Variants in FAM184A observed in about 807,000 individuals in gnomAD.
FAM184A encodes protein FAM184A.
A neutral mutation model predicts 143.8 loss-of-function variants in FAM184A; 99 were observed. The observed-to-expected ratio is 0.69, with a 90% CI of 0.58 to 0.81. The LOEUF (loss-of-function observed/expected upper bound fraction) is 0.81. Among genes scored for constraint, FAM184A ranks in the 40% least tolerant of loss-of-function variants. The probability of loss-of-function intolerance (pLI) is 0.00; values close to 1 mark genes in which losing one functional copy is unlikely to be tolerated. For synonymous variants in FAM184A, 427 were observed against 446.4 expected, an observed-to-expected ratio of 0.96 and a Z score of 0.55; for missense variants, 1,217 against 1,310.5, an observed-to-expected ratio of 0.93 and a Z score of 1.10.
At chr6:119,001,369 A>G (rs903800839) in intron 9 of FAM184A, among the ~76,000 whole-genome samples, 15 of 151,804 alleles carry the variant, frequency 9.9e-5, no homozygotes, top group Admixed American at 6.6e-5. Context: ...GAATAGTTTT[A>G]CCTTTGGAAC....
At chr6:119,086,350 A>G (rs149482114) in intron 1 of FAM184A, among the ~76,000 whole-genome samples, 50 of 152,326 alleles carry the variant, frequency 3.3e-4, no homozygotes, top group Middle Eastern at 3.4e-3. Flanking sequence ...AGACAGACAA[A>G]TGAAGAATTA....
intron 1 of FAM184A, among the ~76,000 whole-genome samples, chr6:119,109,472 C>T (rs1788873394): frequency 1.3e-5 from 2 of 152,150 alleles, no homozygotes; most frequent in South Asian, 4.1e-4. Flanking sequence ...ATCCTTCTCT[C>T]TCTCTCTGTC....
In FAM184A at chr6:119,078,329, G is replaced by C. The variant is rs888948789; in HGVS notation, c.-30C>G. On this transcript the variant is annotated 5_prime_UTR_variant, in exon 1 of 18. Coordinates refer to ENST00000338891, the MANE Select transcript of FAM184A (RefSeq NM_024581.6). The surrounding 1 kb of genome is among the most constrained non-coding windows in gnomAD (Gnocchi z 5.5). ...CCAACAGACCCCAGCCGGGGCACCT[G>C]TCCCCGCGGGTGGAGGCAGGCCCGT... 2.8e-6 allele frequency: 4 copies of C among 1,422,258 alleles called. No homozygotes were observed. In the African/African-American group the frequency reaches 6.0e-5, roughly 21 times the overall value. 88.1% of individuals were successfully genotyped at this position (1,422,258 alleles called of 1,614,324 possible).
chr6:119,103,923 G>A (rs1457745994), intron 1 of FAM184A, among the ~76,000 whole-genome samples: 1 of 120,784 alleles, frequency 8.3e-6, no homozygotes, highest in Non-Finnish European at 1.6e-5. Context: ...GAGACTCCGT[G>A]TAGAGAAAAA....
At chr6:119,027,449 A>G (rs1785675091) in intron 1 of FAM184A, among the ~76,000 whole-genome samples, 1 of 152,124 alleles carries the variant, frequency 6.6e-6, no homozygotes, top group East Asian at 1.9e-4. Flanking sequence ...AGCTCCTAAG[A>G]CTTTTGTAAT....
rs1421018609 is a variant in FAM184A at position 119,023,999 on chromosome 6, T to C, written c.974A>G (p.Lys325Arg). 1 of 1,607,634 alleles carries C rather than the reference T, an allele frequency of 6.2e-7. No individual in the cohort carries two copies. The highest frequency in any genetic ancestry group is 8.5e-7 in the Non-Finnish European group (1 of 1,178,314). Residue 325 changes from lysine to arginine, a missense_variant, in exon 2 of 18, where the codon AAG (lysine) becomes AGG (arginine). Lys to Arg is a conservative substitution (Grantham distance 26). Transcript: ENST00000338891. Reference sequence around the variant, plus strand: ...TGCTATGGCAAGTGCCGTCTGAAGCTTTTGGCATTTGTCAAGAAGACTTCC... The same window carrying C: ...TGCTATGGCAAGTGCCGTCTGAAGCCTTTGGCATTTGTCAAGAAGACTTCC... ...EAGSLLDKCQ[K>R]LQTALAIAEN... is the part of the protein sequence containing the mutation.
chr6:118,989,985 T>C (rs1977848), intron 9 of FAM184A, among the ~76,000 whole-genome samples: 143,309 of 151,800 alleles, frequency 0.94, 67,765 homozygotes, highest in Non-Finnish European at 0.96. Flanking sequence ...CCCACCACCA[T>C]GCCCAGCTAA....
At chr6:118,992,390 A>T (rs1784406983) in intron 9 of FAM184A, among the ~76,000 whole-genome samples, 1 of 152,196 alleles carries the variant, frequency 6.6e-6, no homozygotes, top group South Asian at 2.1e-4. Flanking sequence ...TTGAAAGCCT[A>T]ACCTCCAGTG....
rs1233101836 is a variant in FAM184A, at chr6:118,990,700, T to C, written c.2089-10350A>G. Among the ~76,000 whole-genome samples the C allele has an allele frequency of 2.0e-5, 3 of 148,610 alleles. No individual in the cohort carries two copies. In the Admixed American group the frequency reaches 2.0e-4, roughly 10 times the overall value. ...GGCCAACATGGCGAAACCTCGTCTC[T>C]ACCAAAAATACAAAAAATACAAAAA... On this transcript the variant is annotated intron_variant, in intron 9 of 17. Transcript: ENST00000338891.
intron 1 of FAM184A, among the ~76,000 whole-genome samples, chr6:119,043,644 C>CTAA (rs1479300194): frequency 6.6e-6 from 1 of 152,142 alleles, no homozygotes; most frequent in African/African-American, 2.4e-5. Flanking sequence ...ACCTCGGCAC[C>CTAA]TTTAGCCCCA....
At chr6:119,128,055 C>T (rs975318944) in intron 1 of FAM184A, among the ~76,000 whole-genome samples, 2 of 152,106 alleles carry the variant, frequency 1.3e-5, no homozygotes, top group Admixed American at 1.3e-4. Context: ...GCCAGACATG[C>T]CTCCTTATAA....
At chr6:118,960,390 T>C (rs1263262671) in intron 17 of FAM184A, among the ~76,000 whole-genome samples, 8 of 152,106 alleles carry the variant, frequency 5.3e-5, no homozygotes, top group Non-Finnish European at 8.8e-5. Flanking sequence ...TCAAATGAAG[T>C]CAGTTAAGGA....
intron 1 of FAM184A, among the ~76,000 whole-genome samples, chr6:119,134,143 T>C (rs115377206): frequency 0.013 from 1,908 of 152,046 alleles, 42 homozygotes; most frequent in African/African-American, 0.043. Flanking sequence ...ACTCAAACTA[T>C]TGACAAAAGA....
intron 5 of FAM184A, among the ~76,000 whole-genome samples, chr6:119,013,107 TA>T (rs11324138): frequency 0.94 from 141,821 of 150,564 alleles, 66,881 homozygotes; most frequent in Non-Finnish European, 0.96. Flanking sequence ...GTTACTCTGA[TA>T]AAAAAAAAAA....
chr6:119,139,311 G>A (rs1306246842), intron 1 of FAM184A, among the ~76,000 whole-genome samples: 1 of 152,162 alleles, frequency 6.6e-6, no homozygotes, highest in Non-Finnish European at 1.5e-5. Context: ...AAAGTCAAGT[G>A]TCAAAACCAC....
At chr6:119,074,156 T>A (rs1300500659) in intron 1 of FAM184A, among the ~76,000 whole-genome samples, 2 of 152,222 alleles carry the variant, frequency 1.3e-5, no homozygotes, top group Non-Finnish European at 2.9e-5. Flanking sequence ...TGAAACTAGA[T>A]CACCAGCTAG....
intron 1 of FAM184A, among the ~76,000 whole-genome samples, chr6:119,130,924 T>A (rs1789518843): frequency 6.6e-6 from 1 of 151,122 alleles, no homozygotes; most frequent in African/African-American, 2.4e-5. Flanking sequence ...TGGTGTGATC[T>A]TGGCTCACTG....
At chr6:119,053,706 G>T (rs928554470) in intron 1 of FAM184A, among the ~76,000 whole-genome samples, 8 of 152,100 alleles carry the variant, frequency 5.3e-5, no homozygotes, top group African/African-American at 1.7e-4. Flanking sequence ...ACCCACAAAG[G>T]GAGGTAACTG....
intron 1 of FAM184A, among the ~76,000 whole-genome samples, chr6:119,075,261 G>A (rs1308633130): frequency 6.6e-6 from 1 of 152,090 alleles, no homozygotes; most frequent in African/African-American, 2.4e-5. Flanking sequence ...CTCAAAATAA[G>A]TACACTATCA....
Sources: allele counts gnomAD v4.1 joint callset (sites outside exome capture counted in the v4.1 genomes callset), GRCh38; gene constraint gnomAD v4.1.1; non-coding constraint Gnocchi (gnomAD v3.1); transcripts MANE v1.5; gene names NCBI Gene and HGNC (gene_info 2026-07-23, HGNC 2026-07-21).